Variants in ARHGAP8 observed in about 807,000 individuals in gnomAD.
ARHGAP8 encodes the protein Rho GTPase activating protein 8, also known as rho GTPase-activating protein 8.
Under a neutral mutation model 46.1 loss-of-function variants are expected in ARHGAP8, and 62 were observed. The observed-to-expected ratio is 1.34, with a 90% CI of 1.10 to 1.66. The LOEUF (loss-of-function observed/expected upper bound fraction) is 1.66, where lower values mean the gene tolerates loss of function less well. ARHGAP8 is among the 40% of genes most tolerant of loss of function. ARHGAP8 has a pLI of 0.00. For missense variants in ARHGAP8, 923 were observed against 568.4 expected (o/e 1.62, Z -6.34); for synonymous variants, 375 against 243.1 (o/e 1.54, Z -5.05).
intron 1 of ARHGAP8, among the ~76,000 whole-genome samples, chr22:44,756,629 T>A (rs1037588231): frequency 3.8e-4 from 28 of 74,236 alleles, no homozygotes; most frequent in African/African-American, 1.5e-3. Context: ...AACTCACCCT[T>A]CCACCCTCTC....
At chr22:44,821,847 G>A (rs1194181000) in intron 5 of ARHGAP8, among the ~76,000 whole-genome samples, 4 of 152,300 alleles carry the variant, frequency 2.6e-5, no homozygotes, top group East Asian at 1.9e-4. Flanking sequence ...TTGTGGCTGC[G>A]CTGCTCCCTG....
chr22:44,854,048 A>C lies in ARHGAP8; in HGVS notation c.877+4988A>C, dbSNP rs911437714. Among the ~76,000 whole-genome samples the C allele has an allele frequency of 5.5e-5, 8 of 145,082 alleles. No individual in the cohort carries two copies. The East Asian group carries it at 1.0e-3, about 19-fold the overall frequency. On this transcript the variant is annotated intron_variant, in intron 10 of 11. Coordinates refer to ENST00000356099, the MANE Select transcript of ARHGAP8 (RefSeq NM_181335.3). Reference sequence around the variant, plus strand: ...TCAAAAAAAAAAAAAAAAAAAAAAAAAAAAAAAAAAAAAACCATCAGACTT... The same window carrying C: ...TCAAAAAAAAAAAAAAAAAAAAAAACAAAAAAAAAAAAAACCATCAGACTT...
In ARHGAP8 at chr22:44,822,468, C is replaced by T. The variant is rs748155892; in HGVS notation, c.484C>T (p.Arg162Trp). The T allele has an allele frequency of 3.9e-6, 6 of 1,550,034 alleles. No individual in the cohort carries two copies. The highest frequency in any genetic ancestry group is 2.5e-5 in the East Asian group (1 of 40,140). Reference protein sequence around the residue: ...DQLVIPPEVLRYDEKLQSLHE... With the variant: ...DQLVIPPEVLWYDEKLQSLHE... The stretch of plus-strand genomic sequence containing the variant: ...GCTGGTCATCCCTCCCGAAGTTTTG[C>T]GGTAAGTGCCTGTTAGACCCCAGAA... Residue 162 changes from arginine to tryptophan, a missense_variant and splice_region_variant, in exon 6 of 12, where the codon CGG (arginine) becomes TGG (tryptophan). Transcript: ENST00000356099.
At chr22:44,821,071 C>T (rs1263522395) in intron 5 of ARHGAP8, among the ~76,000 whole-genome samples, 1 of 152,146 alleles carries the variant, frequency 6.6e-6, no homozygotes, top group Admixed American at 6.5e-5. Context: ...CATAAAATAT[C>T]TTCGGTTTGG....
chr22:44,795,748 T>C (rs1928037153), intron 2 of ARHGAP8, among the ~76,000 whole-genome samples: 1 of 152,120 alleles, frequency 6.6e-6, no homozygotes, highest in Admixed American at 6.5e-5. Context: ...GGCTTCTCTT[T>C]CTTGGACACC....
chr22:44,854,210 T>G (rs954419503), intron 10 of ARHGAP8, among the ~76,000 whole-genome samples: 3 of 151,378 alleles, frequency 2.0e-5, no homozygotes, highest in Admixed American at 6.6e-5. Flanking sequence ...TAAGGCTAGT[T>G]GTCATTTCAA....
At chr22:44,775,455 T>C (rs1052988238) in intron 1 of ARHGAP8, among the ~76,000 whole-genome samples, 1 of 2,242 alleles carries the variant, frequency 4.5e-4, no homozygotes, top group Non-Finnish European at 1.2e-3. Context: ...TTCTTTCTCT[T>C]TTTTTTTTTG....
intron 2 of ARHGAP8, among the ~76,000 whole-genome samples, chr22:44,792,917 A>G (rs1007753619): frequency 1.3e-5 from 2 of 151,088 alleles, no homozygotes; most frequent in African/African-American, 4.9e-5. Context: ...TCTGCCTCCC[A>G]GGTTCAAGTG....
In ARHGAP8 at chr22:44,848,164, GAA is replaced by G. The variant is rs1458680850; in HGVS notation, c.748+117_748+118del. On this transcript the variant is annotated intron_variant, in intron 9 of 11. Transcript: ENST00000356099. ...GCCCCCGCAACCCACCCAACTCCCA[GAA>G]AACACTCAGGGTGGGGGCAGCTTCC... The G allele has an allele frequency of 2.8e-6, 4 of 1,436,538 alleles. No homozygotes were observed. The East Asian group carries it at 9.9e-5, about 36-fold the overall frequency. 89.0% of individuals were successfully genotyped at this position (1,436,538 alleles called of 1,614,324 possible). A position where few individuals can be genotyped will look rare whatever the true frequency, so the allele number is the denominator to read the frequency against.
Position 44,831,039 on chromosome 22 carries a change from A to G in ARHGAP8, c.596+5446A>G, listed in dbSNP as rs557414462. On this transcript the variant is annotated intron_variant, in intron 7 of 11. Transcript: ENST00000356099. ...TTGGACCGTCTTTTCATTGTTGTAA[A>G]GATTTGTTGATATATGCTAGACCCT... is the stretch of plus-strand genomic sequence containing the variant. 2.6e-5 allele frequency among the ~76,000 whole-genome samples: 4 copies of G among 152,208 alleles called. No homozygotes were observed. The South Asian group carries it at 8.3e-4, about 32-fold the overall frequency.
chr22:44,852,883 A>C (rs1371425287), intron 10 of ARHGAP8, among the ~76,000 whole-genome samples: 1 of 151,840 alleles, frequency 6.6e-6, no homozygotes, highest in Non-Finnish European at 1.5e-5. Context: ...GCTCAGTGCA[A>C]CCTCCACCTC....
chr22:44,778,562 C>A (rs569479030), intron 1 of ARHGAP8, among the ~76,000 whole-genome samples: 2 of 152,180 alleles, frequency 1.3e-5, no homozygotes, highest in Non-Finnish European at 2.9e-5. Context: ...ATTGCTGGAT[C>A]AAATGGTAGT....
chr22:44,763,441 G>A (rs555944750), intron 1 of ARHGAP8, among the ~76,000 whole-genome samples: 1 of 139,694 alleles, frequency 7.2e-6, no homozygotes, highest in South Asian at 2.3e-4. Flanking sequence ...AGGTTGCACC[G>A]AGATCACGCC....
chr22:44,816,746 A>T (rs2147106863), intron 5 of ARHGAP8, among the ~76,000 whole-genome samples: 1 of 143,222 alleles, frequency 7.0e-6, no homozygotes. Context: ...TCAAGGCTGC[A>T]GTGGCTTGTG....
At chr22:44,846,076 C>T (rs1274888203) in intron 8 of ARHGAP8, among the ~76,000 whole-genome samples, 7 of 152,152 alleles carry the variant, frequency 4.6e-5, no homozygotes, top group Admixed American at 4.6e-4. Context: ...CTCGGCTCAA[C>T]AGTTGCTTCC....
intron 11 of ARHGAP8, among the ~76,000 whole-genome samples, chr22:44,862,064 G>C (rs1054237606): frequency 2.6e-5 from 4 of 152,204 alleles, no homozygotes; most frequent in Admixed American, 1.3e-4. Context: ...GGGTCCTCCA[G>C]GACATGGAGG....
intron 7 of ARHGAP8, among the ~76,000 whole-genome samples, chr22:44,844,449 C>T (rs2069905715): frequency 6.6e-6 from 1 of 152,078 alleles, no homozygotes; most frequent in Non-Finnish European, 1.5e-5. Context: ...CAGAGATTCT[C>T]AGATTGGATT....
chr22:44,859,270 A>C (rs1228173415), intron 10 of ARHGAP8, among the ~76,000 whole-genome samples: 2 of 152,200 alleles, frequency 1.3e-5, no homozygotes, highest in African/African-American at 2.4e-5. Context: ...TGATTGGATC[A>C]TGAGGGCAGA....
intron 7 of ARHGAP8, among the ~76,000 whole-genome samples, chr22:44,832,833 A>T (rs959636126): frequency 6.6e-6 from 1 of 152,182 alleles, no homozygotes; most frequent in Non-Finnish European, 1.5e-5. Context: ...TGATCTTAAG[A>T]ATCAGCAGTT....
Sources: allele counts gnomAD v4.1 joint callset (sites outside exome capture counted in the v4.1 genomes callset), GRCh38; gene constraint gnomAD v4.1.1; transcripts MANE v1.5; gene names NCBI Gene and HGNC (gene_info 2026-07-23, HGNC 2026-07-21).